The following BAZ2B variants were observed in gnomAD, a reference collection of about 807,000 sequenced individuals.
BAZ2B encodes the protein bromodomain adjacent to zinc finger domain 2B, also known as bromodomain adjacent to zinc finger domain protein 2B.
Under a neutral mutation model 246.0 loss-of-function variants are expected in BAZ2B, and 91 were observed. The ratio of observed to expected loss-of-function variants is 0.37; its 90% CI spans 0.31 to 0.44. The LOEUF (loss-of-function observed/expected upper bound fraction) is 0.44, where lower values mean the gene tolerates loss of function less well. Among genes scored for constraint, BAZ2B ranks in the 20% least tolerant of loss-of-function variants. BAZ2B has a pLI of 1.00. For synonymous variants in BAZ2B, 855 were observed against 860.0 expected (o/e 0.99, Z 0.10); for missense variants, 2,332 against 2,533.7 (o/e 0.92, Z 1.71).
intron 3 of BAZ2B, among the ~76,000 whole-genome samples, chr2:159,476,833 A>C (rs563375619): frequency 6.6e-6 from 1 of 152,322 alleles, no homozygotes; most frequent in East Asian, 1.9e-4. Flanking sequence ...CATTTACACA[A>C]ATTTATCTAA....
At chr2:159,497,270 G>T (rs2081263822) in intron 2 of BAZ2B, among the ~76,000 whole-genome samples, 1 of 152,154 alleles carries the variant, frequency 6.6e-6, no homozygotes, top group South Asian at 2.1e-4. Flanking sequence ...GAAGAAAAAA[G>T]ATCTTTTGCC....
chr2:159,681,813 T>C, the BAZ2B span, among the ~76,000 whole-genome samples: 1 of 152,102 alleles, frequency 6.6e-6, no homozygotes, highest in Non-Finnish European at 1.5e-5. Flanking sequence ...TAATCCCAGC[T>C]ACTCGGGAGG....
chr2:159,325,738 T>C lies in BAZ2B; in HGVS notation c.6124A>G (p.Thr2042Ala), dbSNP rs1311879480. 1.9e-6 allele frequency: 3 copies of C among 1,598,124 alleles called. No individual in the cohort carries two copies. The highest frequency in any genetic ancestry group is 2.6e-6 in the Non-Finnish European group (3 of 1,176,456). Residue 2042 changes from threonine to alanine, a missense_variant, in exon 35 of 37, where the codon ACT becomes GCT. Thr to Ala is a moderately conservative substitution (Grantham distance 58). This residue lies in a region of BAZ2B where 210 missense variants were observed against 232.5 expected (regional missense o/e 0.90). Transcript: ENST00000392783. The stretch of plus-strand genomic sequence containing the variant: ...TCTTGTTTTGACAAGTTAATAGAAG[T>C]GTTTTCCTCCATTTTTCTTTTCTTG... ...DLKKRKMEEN[T>A]SINLSKQESF...
At chr2:159,519,210 CTTTTTTTTTTTTTTT>C (rs564614568) in intron 2 of BAZ2B, among the ~76,000 whole-genome samples, 20 of 57,778 alleles carry the variant, frequency 3.5e-4, no homozygotes, top group South Asian at 1.4e-3. Context: ...ATTCTATTTT[CTTTTTTTTTTTTTTT>C]TTTTTTTTTT....
At chr2:159,426,942 AAGAG>A (rs1450887628) in intron 13 of BAZ2B, among the ~76,000 whole-genome samples, 1 of 152,148 alleles carries the variant, frequency 6.6e-6, no homozygotes, top group Non-Finnish European at 1.5e-5. Context: ...AATGGGACAG[AAGAG>A]AGAGAGGTTC....
At chr2:159,632,996 G>T in the BAZ2B span, among the ~76,000 whole-genome samples, 1 of 152,134 alleles carries the variant, frequency 6.6e-6, no homozygotes, top group Admixed American at 6.5e-5. Context: ...AAATCAACTA[G>T]GGCATTCTGT....
intron 1 of BAZ2B, among the ~76,000 whole-genome samples, chr2:159,598,068 A>C (rs541550106): frequency 6.6e-6 from 1 of 150,564 alleles, no homozygotes; most frequent in African/African-American, 2.5e-5. Flanking sequence ...ATCTCTGCTC[A>C]CTGCAATCTC....
At chr2:159,620,826 G>A (rs570801886), upstream of BAZ2B, among the ~76,000 whole-genome samples, 1 of 152,310 alleles carries the variant, frequency 6.6e-6, no homozygotes, top group East Asian at 1.9e-4. Context: ...TGGTAAGGTG[G>A]TTGAATTTAT....
intron 3 of BAZ2B, among the ~76,000 whole-genome samples, chr2:159,475,086 T>G (rs1345024217): frequency 3.9e-5 from 6 of 152,178 alleles, no homozygotes; most frequent in African/African-American, 1.4e-4. Flanking sequence ...TTTCCTGAAT[T>G]TGAATGTTGG....
At chr2:159,557,693 G>A (rs1163414902) in intron 1 of BAZ2B, among the ~76,000 whole-genome samples, 1 of 152,112 alleles carries the variant, frequency 6.6e-6, no homozygotes, top group African/African-American at 2.4e-5. Context: ...GATCACTGGA[G>A]CACAAGTTTA....
the BAZ2B span, among the ~76,000 whole-genome samples, chr2:159,701,296 G>A: frequency 2.6e-5 from 4 of 152,020 alleles, no homozygotes; most frequent in Non-Finnish European, 5.9e-5. Flanking sequence ...AGTTAATTTA[G>A]TTATAGACAC....
the BAZ2B span, among the ~76,000 whole-genome samples, chr2:159,700,757 T>C: frequency 2.0e-5 from 3 of 152,208 alleles, no homozygotes; most frequent in Non-Finnish European, 2.9e-5. Context: ...GTATTGTTGT[T>C]TCTTATTGTT....
intron 2 of BAZ2B, among the ~76,000 whole-genome samples, chr2:159,543,158 T>C (rs541138543): frequency 2.0e-5 from 3 of 152,322 alleles, no homozygotes; most frequent in South Asian, 2.1e-4. Context: ...TACTTATTAT[T>C]ATCATTATCA....
intron 31 of BAZ2B, among the ~76,000 whole-genome samples, chr2:159,341,521 A>G (rs2066714425): frequency 6.6e-6 from 1 of 152,214 alleles, no homozygotes; most frequent in Non-Finnish European, 1.5e-5. Context: ...TCTGCACCAT[A>G]GACCAAATGG....
intron 1 of BAZ2B, among the ~76,000 whole-genome samples, chr2:159,558,762 T>C (rs2151486383): frequency 6.6e-6 from 1 of 152,084 alleles, no homozygotes; most frequent in East Asian, 1.9e-4. Context: ...TTGTTTAAGT[T>C]CAAGAAGTAG....
intron 4 of BAZ2B, among the ~76,000 whole-genome samples, chr2:159,449,421 C>T (rs1328838813): frequency 6.6e-6 from 1 of 152,076 alleles, no homozygotes; most frequent in East Asian, 1.9e-4. Flanking sequence ...CACAACAATA[C>T]AGTATGGGAG....
intron 2 of BAZ2B, among the ~76,000 whole-genome samples, chr2:159,542,967 T>C (rs559128882): frequency 3.2e-4 from 49 of 152,318 alleles, no homozygotes; most frequent in Non-Finnish European, 6.2e-4. Flanking sequence ...TAAACTTCAC[T>C]GATTGCCATG....
chr2:159,649,518 T>C, the BAZ2B span, among the ~76,000 whole-genome samples: 1 of 152,128 alleles, frequency 6.6e-6, no homozygotes, highest in Non-Finnish European at 1.5e-5. Context: ...CACCTCCTGC[T>C]GTGTGGCCCA....
chr2:159,610,098 T>C (rs527479481), intron 1 of BAZ2B, among the ~76,000 whole-genome samples: 14 of 152,310 alleles, frequency 9.2e-5, no homozygotes, highest in African/African-American at 3.1e-4. Context: ...GCAATGTCAA[T>C]CATTGGTACA....
Sources: allele counts gnomAD v4.1 joint callset (sites outside exome capture counted in the v4.1 genomes callset), GRCh38; gene constraint gnomAD v4.1.1; regional missense constraint gnomAD v4.1.1; transcripts MANE v1.5; gene names NCBI Gene and HGNC (gene_info 2026-07-23, HGNC 2026-07-21).